Variants in SCN8A observed in about 807,000 individuals in gnomAD.
The protein encoded by SCN8A is sodium voltage-gated channel alpha subunit 8, also known as sodium channel protein type 8 subunit alpha.
Under a neutral mutation model 184.1 loss-of-function variants are expected in SCN8A, and 30 were observed. That is an observed-to-expected ratio of 0.16 (90% CI 0.12 to 0.22). The LOEUF is 0.22. SCN8A is among the 10% of genes least tolerant of loss of function. The pLI is 1.00. For missense variants in SCN8A, 1,057 were observed against 2,498.9 expected, an observed-to-expected ratio of 0.42 and a Z score of 12.30; for synonymous variants, 852 against 907.0, an observed-to-expected ratio of 0.94 and a Z score of 1.09.
At chr12:51,735,327 C>T (rs1338400825) in intron 12 of SCN8A, among the ~76,000 whole-genome samples, 1 of 152,310 alleles carries the variant, frequency 6.6e-6, no homozygotes, top group East Asian at 1.9e-4. Flanking sequence ...AATCGTTGTG[C>T]AGCACCTCTG....
chr12:51,643,919 A>C (rs1246707403), intron 1 of SCN8A, among the ~76,000 whole-genome samples: 2 of 152,248 alleles, frequency 1.3e-5, no homozygotes, highest in Non-Finnish European at 2.9e-5. Flanking sequence ...TAGACACTCA[A>C]GACGTTCTCA....
intron 1 of SCN8A, among the ~76,000 whole-genome samples, chr12:51,626,683 C>A (rs926432352): frequency 6.6e-6 from 1 of 151,978 alleles, no homozygotes; most frequent in African/African-American, 2.4e-5. Flanking sequence ...TCCTTATAAA[C>A]ATTAGTATTT....
chr12:51,678,318 A>G (rs753182411), intron 2 of SCN8A, among the ~76,000 whole-genome samples: 11 of 152,216 alleles, frequency 7.2e-5, no homozygotes, highest in Non-Finnish European at 7.3e-5. Context: ...GTATGGTACT[A>G]TCAAGCACTG....
At chr12:51,666,864 A>T (rs1371586751) in intron 2 of SCN8A, among the ~76,000 whole-genome samples, 1 of 152,180 alleles carries the variant, frequency 6.6e-6, no homozygotes, top group Non-Finnish European at 1.5e-5. Context: ...TTTGGCTATC[A>T]TAAGTATCTG....
At chr12:51,595,169 C>T (rs1939318923) in intron 1 of SCN8A, among the ~76,000 whole-genome samples, 1 of 152,130 alleles carries the variant, frequency 6.6e-6, no homozygotes, top group Admixed American at 6.5e-5. Context: ...CTGGCGAGCA[C>T]CCGCTTAAAA....
At chr12:51,795,038 A>G (rs778723437) in intron 26 of SCN8A, among the ~76,000 whole-genome samples, 2 of 152,134 alleles carry the variant, frequency 1.3e-5, no homozygotes, top group African/African-American at 4.8e-5. Context: ...AGTCTAGGTA[A>G]GTTCTGGTGG....
rs1284593082 is a variant in SCN8A at position 51,810,465 on chromosome 12, T to C, written c.*3036T>C. On this transcript the variant is annotated 3_prime_UTR_variant, in exon 27 of 27. Transcript: ENST00000627620. ...TCGCTGAGTGGGTAAGTGGCAATGC[T>C]TTGCCAAATATTAACGAAGCCAATC... is the stretch of plus-strand genomic sequence containing the variant. 2.2e-6 allele frequency: 1 copy of C among 445,766 alleles called. No individual in the cohort carries two copies. Among genetic ancestry groups the C allele is most frequent in the African/African-American group, 2.0e-5 (1 of 49,410 alleles). The allele number at this position is 445,766 out of a possible 1,614,324, so 27.6% of individuals were successfully genotyped here. A position where few individuals can be genotyped will look rare whatever the true frequency, so the allele number is the denominator to read the frequency against.
At chr12:51,689,266 T>C in intron 6 of SCN8A, 170 bp downstream of exon 6, 1 of 609,038 alleles carries the variant, frequency 1.6e-6, no homozygotes, top group Non-Finnish European at 2.9e-6. Flanking sequence ...CAGGCAGTTT[T>C]CTCTGAGTGC....
chr12:51,628,837 T>C (rs1940135355), intron 1 of SCN8A, among the ~76,000 whole-genome samples: 1 of 152,232 alleles, frequency 6.6e-6, no homozygotes, highest in Admixed American at 6.5e-5. Flanking sequence ...TTATATATTA[T>C]TAAGTGCTAG....
rs1395581725 is a variant in SCN8A, at chr12:51,808,400, G to A, written c.*971G>A. On this transcript the variant is annotated 3_prime_UTR_variant, in exon 27 of 27. Transcript: ENST00000627620. ...ACATCTCTAACATACAGCCATTGTTGCACATTTTGCAAGATGAACTATTTA... is the reference window on the plus strand; with the variant it reads ...ACATCTCTAACATACAGCCATTGTTACACATTTTGCAAGATGAACTATTTA... 1.3e-5 allele frequency: 2 copies of A among 152,566 alleles called. No homozygotes were observed. The highest frequency in any genetic ancestry group is 4.8e-5 in the African/African-American group (2 of 41,412). 9.5% of individuals were successfully genotyped at this position (152,566 alleles called of 1,614,324 possible). A position where few individuals can be genotyped will look rare whatever the true frequency, so the allele number is the denominator to read the frequency against.
At chr12:51,678,046 T>G (rs191343701) in intron 2 of SCN8A, among the ~76,000 whole-genome samples, 22 of 152,344 alleles carry the variant, frequency 1.4e-4, no homozygotes, top group African/African-American at 5.1e-4. Flanking sequence ...GAGCGTAGTG[T>G]TGAACGAGAG....
At chr12:51,672,229 C>T (rs1941144578) in intron 2 of SCN8A, among the ~76,000 whole-genome samples, 1 of 152,182 alleles carries the variant, frequency 6.6e-6, no homozygotes, top group African/African-American at 2.4e-5. Context: ...AGGGTTTACT[C>T]ACCACATACA....
intron 2 of SCN8A, among the ~76,000 whole-genome samples, chr12:51,681,687 C>T (rs1470830040): frequency 1.3e-5 from 2 of 152,160 alleles, no homozygotes; most frequent in Non-Finnish European, 2.9e-5. Flanking sequence ...AATTTCACTG[C>T]AGTACAATGT....
At chr12:51,793,974 G>A (rs368727174) in intron 25 of SCN8A, among the ~76,000 whole-genome samples, 4 of 152,024 alleles carry the variant, frequency 2.6e-5, no homozygotes, top group African/African-American at 9.7e-5. Context: ...GCAAAACCCC[G>A]TCTATGCTAA....
At chr12:51,756,185 C>T (rs1942671304) in intron 14 of SCN8A, among the ~76,000 whole-genome samples, 1 of 152,162 alleles carries the variant, frequency 6.6e-6, no homozygotes, top group African/African-American at 2.4e-5. Flanking sequence ...CACCAGGCCA[C>T]CCCTCGTCAC....
At chr12:51,689,130 A>G (rs896530163) in intron 6 of SCN8A, 34 bp downstream of exon 6, 2 of 1,469,084 alleles carry the variant, frequency 1.4e-6, no homozygotes, top group Non-Finnish European at 1.9e-6. Flanking sequence ...TGACTTTGCC[A>G]CATCTCCTCT....
chr12:51,646,044 C>T (rs1940582956), intron 1 of SCN8A, among the ~76,000 whole-genome samples: 1 of 145,316 alleles, frequency 6.9e-6, no homozygotes, highest in Admixed American at 6.8e-5. Flanking sequence ...TCATATGTAT[C>T]AGCTCATTTA....
chr12:51,758,980 GTATA>G (rs371293210), intron 14 of SCN8A, among the ~76,000 whole-genome samples: 9 of 142,828 alleles, frequency 6.3e-5, no homozygotes, highest in South Asian at 4.4e-4. Flanking sequence ...ATGTATGTAT[GTATA>G]TGTGTGTGTG....
At chr12:51,695,727 A>G (rs1049511404) in intron 6 of SCN8A, among the ~76,000 whole-genome samples, 3 of 151,986 alleles carry the variant, frequency 2.0e-5, no homozygotes, top group African/African-American at 7.3e-5. Context: ...GAATATGGCT[A>G]CCACTTAGCT....
Sources: allele counts gnomAD v4.1 joint callset (sites outside exome capture counted in the v4.1 genomes callset), GRCh38; gene constraint gnomAD v4.1.1; transcripts MANE v1.5; gene names NCBI Gene and HGNC (gene_info 2026-07-23, HGNC 2026-07-21).